GALNTL6: variants seen among roughly 807,000 people sequenced by gnomAD.
The protein encoded by GALNTL6 is polypeptide N-acetylgalactosaminyltransferase like 6.
GALNTL6 carries 46 observed loss-of-function variants against 73.7 expected under a neutral mutation model. The observed-to-expected ratio is 0.62, with a 90% CI of 0.49 to 0.80. The LOEUF (loss-of-function observed/expected upper bound fraction) is 0.80, where lower values mean the gene tolerates loss of function less well. Ranked by LOEUF, GALNTL6 falls within the 30% of genes least tolerant of loss-of-function variation. The pLI is 0.00. For synonymous variants in GALNTL6, 259 were observed against 263.7 expected (o/e 0.98, Z 0.17); for missense variants, 604 against 755.0 (o/e 0.80, Z 2.34).
At position 172,411,467 on chromosome 4, in the gene GALNTL6, T is replaced by G. The variant is rs574079801; in HGVS notation, c.553+62778T>G. Among the ~76,000 whole-genome samples, 10 of 152,270 alleles carry G rather than the reference T, an allele frequency of 6.6e-5. No individual in the cohort carries two copies. In the East Asian group the frequency reaches 1.7e-3, roughly 26 times the overall value. ...ACTCCAATGAGACATTTATTTGTCCTTGAGTAATGATAATTGTGACTAAGT... is the reference window on the plus strand; with the variant it reads ...ACTCCAATGAGACATTTATTTGTCCGTGAGTAATGATAATTGTGACTAAGT... On this transcript the variant is annotated intron_variant, in intron 5 of 12. Transcript: ENST00000506823.
intron 2 of GALNTL6, among the ~76,000 whole-genome samples, chr4:171,951,784 C>T (rs543001411): frequency 2.6e-4 from 40 of 152,016 alleles, no homozygotes; most frequent in Admixed American, 6.6e-4. Context: ...CAAGAAATTA[C>T]GCTAAATTAT....
chr4:172,629,285 T>G (rs1739289507), intron 5 of GALNTL6, among the ~76,000 whole-genome samples: 1 of 152,166 alleles, frequency 6.6e-6, no homozygotes, highest in Admixed American at 6.6e-5. Context: ...ATTTGAAGGA[T>G]TTTTGAAGGT....
chr4:172,130,480 A>T (rs1007796808), intron 2 of GALNTL6, among the ~76,000 whole-genome samples: 3 of 152,028 alleles, frequency 2.0e-5, no homozygotes, highest in African/African-American at 7.2e-5. Context: ...TATACAAAAA[A>T]ATTATATATA....
chr4:171,992,702 C>A (rs566134475), intron 2 of GALNTL6, among the ~76,000 whole-genome samples: 1 of 151,940 alleles, frequency 6.6e-6, no homozygotes. Context: ...GAGAGTATAT[C>A]TCTTATTCTA....
intron 5 of GALNTL6, among the ~76,000 whole-genome samples, chr4:172,782,226 A>G (rs1739406233): frequency 6.6e-6 from 1 of 152,194 alleles, no homozygotes; most frequent in Non-Finnish European, 1.5e-5. Flanking sequence ...ACACATATGC[A>G]CAAATATATG....
At chr4:172,883,037 G>A in intron 8 of GALNTL6, 130 bp downstream of exon 8, 1 of 564,734 alleles carries the variant, frequency 1.8e-6, no homozygotes, top group Non-Finnish European at 3.2e-6. Flanking sequence ...CTTCCCAAGT[G>A]AGCTCTTGTA....
intron 5 of GALNTL6, among the ~76,000 whole-genome samples, chr4:172,526,560 G>A (rs1579155081): frequency 6.6e-6 from 1 of 152,110 alleles, no homozygotes. Flanking sequence ...AAAAGTATTA[G>A]CTAAGCCTGT....
At chr4:172,368,536 TAG>T (rs1742654986) in intron 5 of GALNTL6, among the ~76,000 whole-genome samples, 1 of 152,242 alleles carries the variant, frequency 6.6e-6, no homozygotes, top group Non-Finnish European at 1.5e-5. Context: ...GGTCTAGAGA[TAG>T]TTCCAACATA....
At chr4:172,723,520 TG>T (rs1735611000) in intron 5 of GALNTL6, among the ~76,000 whole-genome samples, 1 of 152,300 alleles carries the variant, frequency 6.6e-6, no homozygotes, top group East Asian at 1.9e-4. Flanking sequence ...TAGTTACTAT[TG>T]TTTTAGTTGA....
intron 5 of GALNTL6, among the ~76,000 whole-genome samples, chr4:172,630,791 A>T (rs1739363105): frequency 6.7e-6 from 1 of 149,976 alleles, no homozygotes; most frequent in Admixed American, 6.6e-5. Flanking sequence ...GAGGGAACTT[A>T]TCTTTCTGAT....
intron 5 of GALNTL6, among the ~76,000 whole-genome samples, chr4:172,381,953 A>T (rs1334967601): frequency 2.6e-5 from 4 of 152,076 alleles, no homozygotes; most frequent in Admixed American, 6.5e-5. Flanking sequence ...ATTTTTTTCC[A>T]TGTCTTCATC....
chr4:172,113,585 G>C (rs1324826483), intron 2 of GALNTL6, among the ~76,000 whole-genome samples: 1 of 152,010 alleles, frequency 6.6e-6, no homozygotes, highest in African/African-American at 2.4e-5. Flanking sequence ...CACTGTGAAT[G>C]CTGCTTTGAA....
chr4:172,295,584 A>G (rs890344110), intron 3 of GALNTL6, among the ~76,000 whole-genome samples: 14 of 125,076 alleles, frequency 1.1e-4, no homozygotes, highest in Non-Finnish European at 1.9e-4. Flanking sequence ...GGTTTACTCT[A>G]TAACCAAATA....
At chr4:172,034,305 C>T (rs1156405235) in intron 2 of GALNTL6, among the ~76,000 whole-genome samples, 2 of 151,164 alleles carry the variant, frequency 1.3e-5, no homozygotes, top group African/African-American at 4.9e-5. Context: ...CTGGGATTTC[C>T]TTTTTATATA....
At chr4:172,332,716 T>C (rs1169304367) in intron 4 of GALNTL6, among the ~76,000 whole-genome samples, 3 of 152,196 alleles carry the variant, frequency 2.0e-5, no homozygotes, top group African/African-American at 7.2e-5. Context: ...ATGAACACTT[T>C]GCTTGATTCA....
At chr4:172,057,257 C>CA (rs1183920623) in intron 2 of GALNTL6, among the ~76,000 whole-genome samples, 3 of 151,832 alleles carry the variant, frequency 2.0e-5, no homozygotes, top group East Asian at 3.9e-4. Flanking sequence ...AAAAAAGTAC[C>CA]AAAAAAATTA....
intron 5 of GALNTL6, among the ~76,000 whole-genome samples, chr4:172,357,634 T>TACACACACACACACACAC (rs5864129): frequency 1.4e-5 from 2 of 145,840 alleles, no homozygotes; most frequent in East Asian, 2.0e-4. Flanking sequence ...TATAGATATA[T>TACACACACACACACACAC]ACACACACAC....
At chr4:172,730,365 G>T (rs1031229390) in intron 5 of GALNTL6, among the ~76,000 whole-genome samples, 17 of 152,124 alleles carry the variant, frequency 1.1e-4, no homozygotes, top group African/African-American at 3.9e-4. Flanking sequence ...TTAGTCATGG[G>T]TTTGTCTTAG....
intron 7 of GALNTL6, among the ~76,000 whole-genome samples, chr4:172,842,730 G>A (rs934365834): frequency 6.6e-6 from 1 of 151,440 alleles, no homozygotes; most frequent in Non-Finnish European, 1.5e-5. Flanking sequence ...AGGAGGGAGA[G>A]TAAGAGGGTT....
Sources: allele counts gnomAD v4.1 joint callset (sites outside exome capture counted in the v4.1 genomes callset), GRCh38; gene constraint gnomAD v4.1.1; transcripts MANE v1.5; gene names NCBI Gene and HGNC (gene_info 2026-07-23, HGNC 2026-07-21).